MAN2A1: variants seen among roughly 807,000 people sequenced by gnomAD.
MAN2A1 encodes the protein mannosidase alpha class 2A member 1, also known as alpha-mannosidase 2.
A neutral mutation model predicts 142.6 loss-of-function variants in MAN2A1; 76 were observed. That is an observed-to-expected ratio of 0.53 (90% CI 0.44 to 0.65). The LOEUF (loss-of-function observed/expected upper bound fraction) is 0.65, where lower values mean the gene tolerates loss of function less well. Among genes scored for constraint, MAN2A1 ranks in the 30% least tolerant of loss-of-function variants. The pLI is 0.00. For synonymous variants in MAN2A1, 559 were observed against 473.2 expected, an observed-to-expected ratio of 1.18 and a Z score of -2.35; for missense variants, 1,311 against 1,365.1, an observed-to-expected ratio of 0.96 and a Z score of 0.62.
At chr5:109,760,000 T>C (rs977522879) in intron 5 of MAN2A1, among the ~76,000 whole-genome samples, 2 of 150,730 alleles carry the variant, frequency 1.3e-5, no homozygotes, top group Non-Finnish European at 2.9e-5. Context: ...GATAGATAGA[T>C]AGATACTTTA....
intron 16 of MAN2A1, chr5:109,840,024 T>C (rs1755160527): frequency 6.2e-6 from 1 of 160,240 alleles, no homozygotes; most frequent in South Asian, 1.9e-4. Context: ...AATATCCTGC[T>C]CCATTCTAGA....
intron 4 of MAN2A1, 101 bp from the exon 5 acceptor site, chr5:109,755,228 G>A (rs1752657133): frequency 1.1e-6 from 1 of 898,946 alleles, no homozygotes; most frequent in Non-Finnish European, 1.8e-6. Flanking sequence ...ATACATACTG[G>A]TTATATTTAA....
intron 12 of MAN2A1, among the ~76,000 whole-genome samples, chr5:109,797,485 G>GA (rs569845953): frequency 3.3e-5 from 5 of 151,684 alleles, no homozygotes; most frequent in African/African-American, 1.2e-4. Context: ...GTATGGATGT[G>GA]AAAAAAAAGT....
In MAN2A1 at chr5:109,752,483, C is replaced by G. The variant is rs957621977; in HGVS notation, c.708-2846C>G. On this transcript the variant is annotated intron_variant, in intron 4 of 21. Coordinates refer to ENST00000261483, the MANE Select transcript of MAN2A1 (RefSeq NM_002372.4). The stretch of plus-strand genomic sequence containing the variant: ...AACAAAACACATTCTAGTCCATGCT[C>G]TCTTGGAGCTTACATTCTAATGGTG... Among the ~76,000 whole-genome samples the G allele has an allele frequency of 5.9e-5, 9 of 152,204 alleles. No individual in the cohort carries two copies. In the South Asian group the frequency reaches 1.2e-3, roughly 21 times the overall value.
Position 109,869,085 on chromosome 5 carries a change from G to A in MAN2A1, c.*2087G>A, listed in dbSNP as rs1755952151. On this transcript the variant is annotated 3_prime_UTR_variant, in exon 22 of 22. Coordinates refer to ENST00000261483, the MANE Select transcript of MAN2A1 (RefSeq NM_002372.4). ...AGCAGAAATTCTCTTTAACCAGCAA[G>A]TTTCTGCTTTTTAAGGTTACTTTTA... 6.6e-6 allele frequency: 1 copy of A among 152,220 alleles called. No homozygotes were observed. The highest frequency in any genetic ancestry group is 1.5e-5 in the Non-Finnish European group (1 of 68,042). 9.4% of individuals were successfully genotyped at this position (152,220 alleles called of 1,614,324 possible).
intron 2 of MAN2A1, among the ~76,000 whole-genome samples, chr5:109,714,714 G>A (rs1044861675): frequency 5.9e-5 from 9 of 152,164 alleles, no homozygotes; most frequent in South Asian, 4.1e-4. Flanking sequence ...TTCTGGCCTC[G>A]TTTTCGAATA....
chr5:109,866,899 A>C lies in MAN2A1; in HGVS notation c.3336A>C (p.Ser1112=). The change falls in exon 22 of 22, where the codon TCA becomes TCC. Residue 1112 remains serine, a synonymous_variant. Coordinates refer to ENST00000261483, the MANE Select transcript of MAN2A1 (RefSeq NM_002372.4). The part of the protein sequence containing the change: ...NKFIVESLTP[S]SLSLMHSPPG... ...TTATTGTCGAAAGTCTCACACCTTC[A>C]TCACTATCCTTGATGCATTCACCTC... 1 of 1,612,190 alleles carries C rather than the reference A, an allele frequency of 6.2e-7. No individual in the cohort carries two copies. The highest frequency in any genetic ancestry group is 8.5e-7 in the Non-Finnish European group (1 of 1,178,738).
At chr5:109,785,959 A>G (rs565052851) in intron 10 of MAN2A1, among the ~76,000 whole-genome samples, 28 of 152,236 alleles carry the variant, frequency 1.8e-4, no homozygotes, top group African/African-American at 6.7e-4. Flanking sequence ...CTCACGACTT[A>G]TATTACTAAT....
intron 16 of MAN2A1, among the ~76,000 whole-genome samples, chr5:109,833,449 C>T (rs895118675): frequency 5.3e-5 from 8 of 152,290 alleles, no homozygotes; most frequent in East Asian, 1.9e-4. Flanking sequence ...TAGCAGATCA[C>T]TCGTGGTTAG....
At chr5:109,794,363 A>G (rs961891929) in intron 12 of MAN2A1, 1 of 152,290 alleles carries the variant, frequency 6.6e-6, no homozygotes, top group South Asian at 2.1e-4. Context: ...ATGGATTATG[A>G]TGGTTTAAGC....
chr5:109,755,309 T>C lies in MAN2A1; in HGVS notation c.708-20T>C. ...TTTCTTAACATTTATTAATGTAGAC[T>C]CTTGTTATTTTCTCTCTAGTTTAAT... On this transcript the variant is annotated intron_variant, in intron 4 of 21. Coordinates refer to ENST00000261483, the MANE Select transcript of MAN2A1 (RefSeq NM_002372.4). 1 of 1,591,908 alleles carries C rather than the reference T, an allele frequency of 6.3e-7. No homozygotes were observed. Among genetic ancestry groups the C allele is most frequent in the Non-Finnish European group, 8.6e-7 (1 of 1,162,574 alleles).
At chr5:109,820,947 C>A (rs188748533) in intron 15 of MAN2A1, among the ~76,000 whole-genome samples, 1 of 152,132 alleles carries the variant, frequency 6.6e-6, no homozygotes, top group Non-Finnish European at 1.5e-5. Flanking sequence ...AGACACAAAA[C>A]CTCTAGCCGT....
chr5:109,770,682 A>C, intron 7 of MAN2A1, 141 bp downstream of exon 7: 1 of 744,502 alleles, frequency 1.3e-6, no homozygotes, highest in Non-Finnish European at 2.2e-6. Flanking sequence ...GATCTAAAGC[A>C]ACTTAAAAAT....
chr5:109,711,439 A>T (rs1194141730), intron 1 of MAN2A1, among the ~76,000 whole-genome samples: 1 of 70,024 alleles, frequency 1.4e-5, no homozygotes, highest in African/African-American at 1.1e-4. Context: ...ATATATACAG[A>T]TTCATCAACT....
At chr5:109,836,735 A>C (rs1213787620) in intron 16 of MAN2A1, among the ~76,000 whole-genome samples, 1 of 152,168 alleles carries the variant, frequency 6.6e-6, no homozygotes, top group East Asian at 1.9e-4. Context: ...AGGTATAAAT[A>C]ATATATATGT....
At chr5:109,712,215 C>G (rs1433204904) in intron 1 of MAN2A1, among the ~76,000 whole-genome samples, 2 of 151,732 alleles carry the variant, frequency 1.3e-5, no homozygotes, top group African/African-American at 2.4e-5. Flanking sequence ...TAACTTCTCC[C>G]TTTCCCCTTG....
At chr5:109,725,582 C>A (rs749373076) in intron 3 of MAN2A1, among the ~76,000 whole-genome samples, 4 of 152,168 alleles carry the variant, frequency 2.6e-5, no homozygotes, top group Non-Finnish European at 5.9e-5. Flanking sequence ...GGCTCTGGGT[C>A]AGTTTGTCCT....
intron 4 of MAN2A1, among the ~76,000 whole-genome samples, chr5:109,736,058 C>G (rs1378911952): frequency 6.6e-6 from 1 of 151,820 alleles, no homozygotes; most frequent in African/African-American, 2.4e-5. Context: ...GTCAGGATAT[C>G]CCTCCAGTTA....
At chr5:109,714,412 T>C (rs12189512) in intron 2 of MAN2A1, among the ~76,000 whole-genome samples, 26,418 of 152,206 alleles carry the variant, frequency 0.17, 3,235 homozygotes, top group East Asian at 0.64. Flanking sequence ...ATTTTGGATA[T>C]ACTGGATTAA....
Sources: allele counts gnomAD v4.1 joint callset (sites outside exome capture counted in the v4.1 genomes callset), GRCh38; gene constraint gnomAD v4.1.1; transcripts MANE v1.5; gene names NCBI Gene and HGNC (gene_info 2026-07-23, HGNC 2026-07-21).